The following COP1 variants were observed in gnomAD, a reference collection of about 807,000 sequenced individuals.
COP1 encodes the protein COP1 E3 ubiquitin ligase.
COP1 carries 24 observed loss-of-function variants against 101.3 expected under a neutral mutation model. The observed-to-expected ratio is 0.24, with a 90% CI of 0.17 to 0.33. COP1 has a LOEUF of 0.33. Among genes scored for constraint, COP1 ranks in the 10% least tolerant of loss-of-function variants. COP1 has a pLI of 1.00. For synonymous variants in COP1, 347 were observed against 341.9 expected, an observed-to-expected ratio of 1.01 and a Z score of -0.17; for missense variants, 663 against 906.2, an observed-to-expected ratio of 0.73 and a Z score of 3.45.
intron 15 of COP1, among the ~76,000 whole-genome samples, chr1:176,008,083 T>C (rs1055551012): frequency 1.3e-4 from 20 of 152,156 alleles, no homozygotes; most frequent in African/African-American, 4.3e-4. Flanking sequence ...AAGCGCAGTA[T>C]TTGGGTGGGA....
intron 11 of COP1, among the ~76,000 whole-genome samples, chr1:176,058,464 C>T (rs1674223032): frequency 6.6e-6 from 1 of 152,148 alleles, no homozygotes; most frequent in Non-Finnish European, 1.5e-5. Flanking sequence ...TTACCCCCAA[C>T]CCTGTGCTCT....
intron 10 of COP1, among the ~76,000 whole-genome samples, chr1:176,085,077 CA>C (rs1679894044): frequency 6.6e-6 from 1 of 152,046 alleles, no homozygotes; most frequent in Admixed American, 6.5e-5. Context: ...TACTTTTTTA[CA>C]GTAATAAAAA....
At chr1:176,070,949 A>G (rs1485332026) in intron 11 of COP1, among the ~76,000 whole-genome samples, 1 of 152,168 alleles carries the variant, frequency 6.6e-6, no homozygotes, top group Admixed American at 6.5e-5. Flanking sequence ...TCCCATGTGC[A>G]ACCACTCCTG....
intron 9 of COP1, among the ~76,000 whole-genome samples, chr1:176,104,873 A>C (rs1245796583): frequency 6.6e-6 from 1 of 152,180 alleles, no homozygotes; most frequent in Non-Finnish European, 1.5e-5. Flanking sequence ...ATTTCAAAAT[A>C]ATGGAAACTG....
chr1:176,003,949 C>T (rs1219343072), intron 15 of COP1, among the ~76,000 whole-genome samples: 2 of 151,846 alleles, frequency 1.3e-5, no homozygotes, highest in African/African-American at 2.4e-5. Context: ...GGCAGTATGG[C>T]CATTTTCAGG....
intron 14 of COP1, among the ~76,000 whole-genome samples, chr1:176,042,022 G>T (rs1327261411): frequency 6.6e-6 from 1 of 152,166 alleles, no homozygotes; most frequent in East Asian, 1.9e-4. Context: ...TGAGGCAAAA[G>T]AATCGCTTGA....
rs189623837 is a variant in COP1, at chr1:176,026,215, T to G, written c.1729+1357A>C. ...ATTTGATAATATTCATATCTGGCATTGGTACAAATTAATTAAATACTGATA... is the reference window on the plus strand; with the variant it reads ...ATTTGATAATATTCATATCTGGCATGGGTACAAATTAATTAAATACTGATA... On this transcript the variant is annotated intron_variant, in intron 15 of 19. Coordinates refer to ENST00000367669, the MANE Select transcript of COP1 (RefSeq NM_022457.7). Among the ~76,000 whole-genome samples the G allele has an allele frequency of 2.6e-3, 398 of 152,196 alleles. 3 individuals carry two copies. Among genetic ancestry groups the G allele is most frequent in the African/African-American group, 9.1e-3 (380 of 41,562 alleles).
At chr1:176,130,928 C>T (rs1247002688) in intron 8 of COP1, among the ~76,000 whole-genome samples, 1 of 151,638 alleles carries the variant, frequency 6.6e-6, no homozygotes, top group Non-Finnish European at 1.5e-5. Context: ...CTTCCTTTTC[C>T]CTGCCCCTAA....
intron 3 of COP1, among the ~76,000 whole-genome samples, chr1:176,168,042 G>T (rs791751): frequency 0.29 from 43,202 of 151,398 alleles, 6,918 homozygotes; most frequent in East Asian, 0.52. Flanking sequence ...CATTAGAGAG[G>T]TAAGAAAATT....
chr1:175,946,208 C>G (rs533798974), intron 19 of COP1, among the ~76,000 whole-genome samples: 14 of 152,218 alleles, frequency 9.2e-5, no homozygotes, highest in African/African-American at 3.1e-4. Context: ...GTTAAAAAAC[C>G]TCGTTTTCAT....
chr1:176,003,427 T>C (rs1268234835), intron 15 of COP1, among the ~76,000 whole-genome samples: 2 of 151,982 alleles, frequency 1.3e-5, no homozygotes, highest in African/African-American at 4.8e-5. Flanking sequence ...TCCTTGCCCA[T>C]GCCTATGTCC....
In COP1 at chr1:175,993,658, A is replaced by C. The variant is rs182666811; in HGVS notation, c.1730-4179T>G. On this transcript the variant is annotated intron_variant, in intron 15 of 19. Transcript: ENST00000367669. ...AAAGGGTATCAGTGATGGAAGATGAAATGAATGAAATGAAGCGAGAAGGGA... is the reference window on the plus strand; with the variant it reads ...AAAGGGTATCAGTGATGGAAGATGACATGAATGAAATGAAGCGAGAAGGGA... 3.3e-3 allele frequency among the ~76,000 whole-genome samples: 509 copies of C among 152,278 alleles called. 13 individuals carry two copies. The East Asian group carries it at 0.044, about 13-fold the overall frequency.
intron 2 of COP1, 142 bp downstream of exon 2, chr1:176,184,491 C>T (rs974530040): frequency 1.1e-5 from 7 of 643,274 alleles, no homozygotes; most frequent in African/African-American, 3.7e-5. Context: ...TAAACTGCCA[C>T]ATCTACAAAG....
chr1:176,060,033 T>C (rs906919014), intron 11 of COP1, among the ~76,000 whole-genome samples: 4 of 152,232 alleles, frequency 2.6e-5, no homozygotes, highest in African/African-American at 9.6e-5. Context: ...TCTGAATTAA[T>C]GGACAGACTT....
chr1:176,046,076 A>T, intron 12 of COP1, 105 bp downstream of exon 12: 2 of 821,690 alleles, frequency 2.4e-6, no homozygotes, highest in Non-Finnish European at 3.9e-6. Flanking sequence ...AATAGTGTTC[A>T]CCATGAGTAA....
chr1:176,164,151 C>T (rs1370933912), intron 3 of COP1, among the ~76,000 whole-genome samples: 1 of 152,154 alleles, frequency 6.6e-6, no homozygotes, highest in African/African-American at 2.4e-5. Context: ...TCAATGATGA[C>T]GCTATTGGCA....
At chr1:176,202,134 C>G (rs576233990) in intron 1 of COP1, among the ~76,000 whole-genome samples, 1 of 150,482 alleles carries the variant, frequency 6.6e-6, no homozygotes, top group South Asian at 2.1e-4. Context: ...CATTGCTGCA[C>G]AAACTGTTAC....
At chr1:176,039,789 G>T (rs143797386) in intron 14 of COP1, among the ~76,000 whole-genome samples, 2,025 of 152,122 alleles carry the variant, frequency 0.013, 30 homozygotes, top group South Asian at 0.028. Flanking sequence ...TTTTGACAAG[G>T]GTGCCAGACC....
intron 12 of COP1, among the ~76,000 whole-genome samples, chr1:176,044,852 A>T (rs1671226766): frequency 6.6e-6 from 1 of 152,202 alleles, no homozygotes; most frequent in South Asian, 2.1e-4. Flanking sequence ...TTTTACACAT[A>T]CAAATACAGA....
Sources: gnomAD v4.1 joint callset for allele counts (sites outside exome capture counted in the v4.1 genomes callset) on GRCh38, gnomAD v4.1.1 for gene constraint, MANE v1.5 for transcripts, NCBI Gene and HGNC (gene_info 2026-07-23, HGNC 2026-07-21) for gene names.